CLSTN1: variants seen among roughly 807,000 people sequenced by gnomAD.
CLSTN1 encodes the protein calsyntenin-1.
CLSTN1 carries 28 observed loss-of-function variants against 108.3 expected under a neutral mutation model. That is an observed-to-expected ratio of 0.26 (90% CI 0.19 to 0.35). The LOEUF (loss-of-function observed/expected upper bound fraction) is 0.35. Ranked by LOEUF, CLSTN1 falls within the 10% of genes least tolerant of loss-of-function variation. CLSTN1 has a pLI of 1.00. For synonymous variants in CLSTN1, 524 were observed against 534.9 expected, an observed-to-expected ratio of 0.98 and a Z score of 0.28; for missense variants, 1,157 against 1,302.6, an observed-to-expected ratio of 0.89 and a Z score of 1.72.
chr1:9,818,775 CTCTTTT>C (rs1410073912), intron 1 of CLSTN1, among the ~76,000 whole-genome samples: 12 of 138,870 alleles, frequency 8.6e-5, no homozygotes, highest in African/African-American at 3.3e-4. Context: ...CTTCAAGCAA[CTCTTTT>C]TTTTTTTTTT....
intron 2 of CLSTN1, among the ~76,000 whole-genome samples, chr1:9,757,504 G>C (rs1440366854): frequency 6.6e-6 from 1 of 152,150 alleles, no homozygotes; most frequent in African/African-American, 2.4e-5. Context: ...GCCTCCCAAA[G>C]TGCTGGGATT....
In CLSTN1 at chr1:9,730,603, C is replaced by G; in HGVS notation, c.2851G>C (p.Glu951Gln). ...TCCCCCTCCTCCTCCTCGCTGCTCTCCGACTCGGCGCTGGTGATGTCATCC... is the reference window on the plus strand; with the variant it reads ...TCCCCCTCCTCCTCCTCGCTGCTCTGCGACTCGGCGCTGGTGATGTCATCC... ...EEDDITSAES[E>Q]SSEEEEGEQG... Residue 951 changes from glutamate to glutamine, a missense_variant, in exon 19 of 19, where the codon GAG becomes CAG. Transcript: ENST00000377298. The surrounding 1 kb of genome is among the most constrained non-coding windows in gnomAD (Gnocchi z 5.6). 1 of 1,610,218 alleles carries G rather than the reference C, an allele frequency of 6.2e-7. No individual in the cohort carries two copies. Among genetic ancestry groups the G allele is most frequent in the South Asian group, 1.1e-5 (1 of 91,066 alleles).
At position 9,741,079 on chromosome 1, in the gene CLSTN1, G is replaced by A. The variant is rs765049139; in HGVS notation, c.1519+15C>T. The A allele has an allele frequency of 2.5e-6, 4 of 1,609,628 alleles. No individual in the cohort carries two copies. The highest frequency in any genetic ancestry group is 1.1e-5 in the South Asian group (1 of 90,966). ...CTTAATTCTCGAGTCGAGGGCGGGG[G>A]GTAATGACAGGTACCTTGCCAGCAA... On this transcript the variant is annotated intron_variant, in intron 10 of 18. Coordinates refer to ENST00000377298, the MANE Select transcript of CLSTN1 (RefSeq NM_001009566.3).
intron 1 of CLSTN1, among the ~76,000 whole-genome samples, chr1:9,813,494 G>A (rs2788604): frequency 0.33 from 48,418 of 146,920 alleles, 8,703 homozygotes; most frequent in East Asian, 0.53. Flanking sequence ...GCAAGACTCT[G>A]TCTCAAAAAA....
intron 1 of CLSTN1, among the ~76,000 whole-genome samples, chr1:9,819,955 C>T (rs889259508): frequency 6.6e-6 from 1 of 151,946 alleles, no homozygotes; most frequent in African/African-American, 2.4e-5. Context: ...CACAGAGCTA[C>T]AGCCTTCAAA....
intron 1 of CLSTN1, among the ~76,000 whole-genome samples, chr1:9,821,171 C>A (rs1270428201): frequency 6.6e-6 from 1 of 152,196 alleles, no homozygotes; most frequent in East Asian, 1.9e-4. Context: ...CTTGCTTTGT[C>A]ACCCAGGCTG....
At chr1:9,732,738 G>A (rs2101073867) in intron 16 of CLSTN1, among the ~76,000 whole-genome samples, 1 of 152,344 alleles carries the variant, frequency 6.6e-6, no homozygotes, top group African/African-American at 2.4e-5. Context: ...TGGCCTGTGA[G>A]TCACCAGCGC....
At chr1:9,761,704 C>T (rs1372591174) in intron 2 of CLSTN1, among the ~76,000 whole-genome samples, 3 of 152,134 alleles carry the variant, frequency 2.0e-5, no homozygotes, top group African/African-American at 4.8e-5. Context: ...GCTGTTCTTT[C>T]GAAGTCTTCT....
chr1:9,784,159 C>T (rs992462086), intron 1 of CLSTN1, among the ~76,000 whole-genome samples: 4 of 129,418 alleles, frequency 3.1e-5, no homozygotes, highest in Admixed American at 2.7e-4. Flanking sequence ...GCGACAGGAG[C>T]GAAACTCTAT....
At position 9,823,201 on chromosome 1, in the gene CLSTN1, C is replaced by T. The variant is rs1402236486; in HGVS notation, c.91+442G>A. Reference sequence around the variant, plus strand: ...GTGCGTGCACCCCCCGCCTGATGCACATCTGAGCACACGTACACAGAGCAT... The same window carrying T: ...GTGCGTGCACCCCCCGCCTGATGCATATCTGAGCACACGTACACAGAGCAT... On this transcript the variant is annotated intron_variant, in intron 1 of 18. Coordinates refer to ENST00000377298, the MANE Select transcript of CLSTN1 (RefSeq NM_001009566.3). The surrounding 1 kb of genome is among the most constrained non-coding windows in gnomAD (Gnocchi z 6.3). Among the ~76,000 whole-genome samples, 1 of 152,218 alleles carries T rather than the reference C, an allele frequency of 6.6e-6. No homozygotes were observed. Among genetic ancestry groups the T allele is most frequent in the Non-Finnish European group, 1.5e-5 (1 of 68,030 alleles).
Position 9,733,349 on chromosome 1 carries a change from G to A in CLSTN1, c.2427+52C>T, listed in dbSNP as rs371720855. On this transcript the variant is annotated intron_variant, in intron 16 of 18. Transcript: ENST00000377298. ...GTGAATATTAGGGCTGCAAATCAGCGCCCTCACTCACTGCTGCTATTGGCC... is the reference window on the plus strand; with the variant it reads ...GTGAATATTAGGGCTGCAAATCAGCACCCTCACTCACTGCTGCTATTGGCC... 84 of 1,603,134 alleles carry A rather than the reference G, an allele frequency of 5.2e-5. 1 individual carries two copies. The highest frequency in any genetic ancestry group is 1.2e-4 in the African/African-American group (9 of 74,798).
rs1456369585 is a variant in CLSTN1, at chr1:9,729,085, A to T, written c.*1423T>A. 6.6e-6 allele frequency: 1 copy of T among 152,182 alleles called. No individual in the cohort carries two copies. The highest frequency in any genetic ancestry group is 1.5e-5 in the Non-Finnish European group (1 of 68,034). 9.4% of individuals were successfully genotyped at this position (152,182 alleles called of 1,614,324 possible). ...ACTTTCTGACCTATCATGAGTATACACATCTGCGAAGGGAAACCGCGCGGC... is the reference window on the plus strand; with the variant it reads ...ACTTTCTGACCTATCATGAGTATACTCATCTGCGAAGGGAAACCGCGCGGC... On this transcript the variant is annotated 3_prime_UTR_variant, in exon 19 of 19. Transcript: ENST00000377298.
chr1:9,794,205 G>A (rs1425780190), intron 1 of CLSTN1, among the ~76,000 whole-genome samples: 1 of 151,558 alleles, frequency 6.6e-6, no homozygotes, highest in Non-Finnish European at 1.5e-5. Context: ...GCTTTCTTCA[G>A]TTTATACCTT....
At chr1:9,736,902 G>A (rs569698897) in intron 11 of CLSTN1, among the ~76,000 whole-genome samples, 48 of 151,998 alleles carry the variant, frequency 3.2e-4, no homozygotes, top group Non-Finnish European at 4.9e-4. Context: ...GCGAAACCCC[G>A]TCTCTACTAA....
At chr1:9,815,388 CA>C (rs1015942722) in intron 1 of CLSTN1, among the ~76,000 whole-genome samples, 1 of 152,124 alleles carries the variant, frequency 6.6e-6, no homozygotes, top group African/African-American at 2.4e-5. Flanking sequence ...AAAGAACTTT[CA>C]AAGTTCCTTT....
rs1650268841 is a variant in CLSTN1 at position 9,730,130 on chromosome 1, G to C, written c.*378C>G. ...AAAAAGAAAAAAATGATTACCGGGT[G>C]GGAGTGAGCATGTTTTACCCTTTGT... is the stretch of plus-strand genomic sequence containing the variant. On this transcript the variant is annotated 3_prime_UTR_variant, in exon 19 of 19. Coordinates refer to ENST00000377298, the MANE Select transcript of CLSTN1 (RefSeq NM_001009566.3). The surrounding 1 kb of genome is among the most constrained non-coding windows in gnomAD (Gnocchi z 5.6). 3.5e-6 allele frequency: 1 copy of C among 284,034 alleles called. No individual in the cohort carries two copies. The highest frequency in any genetic ancestry group is 2.1e-5 in the African/African-American group (1 of 47,180). The allele number at this position is 284,034 out of a possible 1,614,324, so 17.6% of individuals were successfully genotyped here.
intron 1 of CLSTN1, among the ~76,000 whole-genome samples, chr1:9,815,366 A>G (rs1176166184): frequency 6.6e-6 from 1 of 152,232 alleles, no homozygotes; most frequent in Non-Finnish European, 1.5e-5. Flanking sequence ...AAGGCTATTT[A>G]AAGTATAGAG....
At chr1:9,760,684 GTTTTTTTTTTTTTT>G (rs762619559) in intron 2 of CLSTN1, among the ~76,000 whole-genome samples, 1 of 102,406 alleles carries the variant, frequency 9.8e-6, no homozygotes, top group African/African-American at 4.3e-5. Context: ...CCATTCCCGG[GTTTTTTTTTTTTTT>G]TTTTTTTTTG....
chr1:9,781,129 T>C, intron 1 of CLSTN1: 2 of 740,722 alleles, frequency 2.7e-6, no homozygotes, highest in South Asian at 2.9e-5. Flanking sequence ...AAACTCCTAT[T>C]TGTGTACGGC....
Sources: gnomAD v4.1 joint callset for allele counts (sites outside exome capture counted in the v4.1 genomes callset) on GRCh38, gnomAD v4.1.1 for gene constraint, Gnocchi (gnomAD v3.1) non-coding constraint, MANE v1.5 for transcripts, NCBI Gene and HGNC (gene_info 2026-07-23, HGNC 2026-07-21) for gene names.